Variants in ZC3H3 observed in about 807,000 individuals in gnomAD.
ZC3H3 encodes zinc finger CCCH domain-containing protein 3.
A neutral mutation model predicts 77.3 loss-of-function variants in ZC3H3; 36 were observed. That is an observed-to-expected ratio of 0.47 (90% CI 0.36 to 0.61). The LOEUF (loss-of-function observed/expected upper bound fraction) is 0.61, where lower values mean the gene tolerates loss of function less well. ZC3H3 is among the 20% of genes least tolerant of loss of function. ZC3H3 has a pLI of 0.00. For synonymous variants in ZC3H3, 626 were observed against 555.2 expected (o/e 1.13, Z -1.79); for missense variants, 1,331 against 1,312.2 (o/e 1.01, Z -0.22).
At chr8:143,461,077 G>A (rs406491) in intron 9 of ZC3H3, among the ~76,000 whole-genome samples, 151,676 of 152,348 alleles carry the variant, frequency 1, 75,504 homozygotes, top group East Asian at 1. Flanking sequence ...CCATTTTGAC[G>A]CTTAAAAATG....
At chr8:143,536,579 CTTTCT>C in intron 2 of ZC3H3, 126 bp from the exon 3 acceptor site, 5 of 1,003,608 alleles carry the variant, frequency 5.0e-6, no homozygotes, top group Non-Finnish European at 7.0e-6. Flanking sequence ...ACAGCGGGTC[CTTTCT>C]GGACCCTGCC....
At position 143,538,254 on chromosome 8, in the gene ZC3H3, C is replaced by A; in HGVS notation, c.1113G>T (p.Gly371=). Residue 371 remains glycine, a synonymous_variant, in exon 2 of 12, where the codon GGG becomes GGT. Transcript: ENST00000262577. ...PRKPATSSKP[G]SAPSKYKWKA... is the part of the protein sequence containing the mutation. Reference sequence around the variant, plus strand: ...TCCACTTGTACTTGCTGGGGGCAGACCCTGGCTTGGAGGACGTGGCTGGCT... The same window carrying A: ...TCCACTTGTACTTGCTGGGGGCAGAACCTGGCTTGGAGGACGTGGCTGGCT... 1 of 1,613,002 alleles carries A rather than the reference C, an allele frequency of 6.2e-7. No homozygotes were observed. The highest frequency in any genetic ancestry group is 1.1e-5 in the South Asian group (1 of 91,088).
Position 143,441,042 on chromosome 8 carries a change from G to T in ZC3H3, c.2386C>A (p.Leu796Ile), listed in dbSNP as rs763751052. 1.3e-6 allele frequency: 2 copies of T among 1,488,818 alleles called. No homozygotes were observed. The highest frequency in any genetic ancestry group is 8.9e-7 in the Non-Finnish European group (1 of 1,129,522). The allele number at this position is 1,488,818 out of a possible 1,614,324, so 92.2% of individuals were successfully genotyped here. ...ACPRGAQCQL[L>I]HRTQKRHSRR... The stretch of plus-strand genomic sequence containing the variant: ...CTGTGGCGTTTCTGGGTACGGTGGA[G>T]CAGCTGGCACTGGGCGCCGCGGGGA... The change falls in exon 10 of 12, where the codon CTC becomes ATC. Residue 796 changes from leucine (L) to isoleucine (I), a missense_variant. Coordinates refer to ENST00000262577, the MANE Select transcript of ZC3H3 (RefSeq NM_015117.3).
At chr8:143,483,254 A>G (rs1179215180) in intron 4 of ZC3H3, among the ~76,000 whole-genome samples, 1 of 152,226 alleles carries the variant, frequency 6.6e-6, no homozygotes, top group Non-Finnish European at 1.5e-5. Flanking sequence ...TGACACCCCC[A>G]TCACCGTGCT....
Position 143,493,078 on chromosome 8 carries a change from G to A in ZC3H3, c.1715+14668C>T, listed in dbSNP as rs562535776. ...CAGGGTCCCGTGTCCTGGCCCAGGG[G>A]CTCACTCCTCAGGCTCCCGTGTCCT... On this transcript the variant is annotated intron_variant, in intron 4 of 11. Transcript: ENST00000262577. The surrounding 1 kb of genome is among the most constrained non-coding windows in gnomAD (Gnocchi z 4.8). 2.8e-3 allele frequency among the ~76,000 whole-genome samples: 81 copies of A among 29,220 alleles called. 10 individuals are homozygous for A. Among genetic ancestry groups the A allele is most frequent in the Non-Finnish European group, 4.8e-3 (74 of 15,426 alleles). The allele number at this position is 29,220 out of a possible 152,430, so 19.2% of individuals were successfully genotyped here. A position where few individuals can be genotyped will look rare whatever the true frequency, so the allele number is the denominator to read the frequency against.
At chr8:143,524,455 C>T (rs913604361) in intron 3 of ZC3H3, among the ~76,000 whole-genome samples, 2 of 152,224 alleles carry the variant, frequency 1.3e-5, no homozygotes, top group African/African-American at 2.4e-5. Flanking sequence ...CACACCCGGC[C>T]GAGGGGCCAA....
chr8:143,450,136 A>C (rs1454133624), intron 9 of ZC3H3, among the ~76,000 whole-genome samples: 2 of 152,150 alleles, frequency 1.3e-5, no homozygotes, highest in African/African-American at 2.4e-5. Context: ...CCAATTTTCT[A>C]TATTAGTCCA....
chr8:143,531,023 G>A (rs2382956), intron 3 of ZC3H3, among the ~76,000 whole-genome samples: 3 of 148,570 alleles, frequency 2.0e-5, no homozygotes, highest in Non-Finnish European at 1.5e-5. Flanking sequence ...GCAGTGGTGC[G>A]ATCATGGCTC....
intron 4 of ZC3H3, among the ~76,000 whole-genome samples, chr8:143,482,496 G>C (rs2129934886): frequency 6.6e-6 from 1 of 152,288 alleles, no homozygotes; most frequent in East Asian, 1.9e-4. Flanking sequence ...GGTGGGGAAG[G>C]GTCAGGAGGC....
At chr8:143,483,420 G>A (rs949693054) in intron 4 of ZC3H3, among the ~76,000 whole-genome samples, 6 of 152,226 alleles carry the variant, frequency 3.9e-5, no homozygotes, top group Admixed American at 6.5e-5. Flanking sequence ...GGCCCAGCCC[G>A]TGAGGCTGGG....
At chr8:143,490,213 G>A (rs534538442) in intron 4 of ZC3H3, among the ~76,000 whole-genome samples, 77 of 152,308 alleles carry the variant, frequency 5.1e-4, no homozygotes, top group African/African-American at 1.8e-3. Flanking sequence ...GAGGCCCCCC[G>A]GGGCCTGGAC....
intron 9 of ZC3H3, among the ~76,000 whole-genome samples, chr8:143,458,113 T>C (rs1820167912): frequency 6.6e-6 from 1 of 151,490 alleles, no homozygotes; most frequent in Admixed American, 6.6e-5. Context: ...AAAAAAGAAG[T>C]CACAAACTTC....
At chr8:143,457,658 G>A (rs1375024688) in intron 9 of ZC3H3, among the ~76,000 whole-genome samples, 1 of 152,164 alleles carries the variant, frequency 6.6e-6, no homozygotes, top group African/African-American at 2.4e-5. Context: ...CTTGAGGCCA[G>A]GAGTTTGAGA....
At chr8:143,488,470 G>A (rs533375189) in intron 4 of ZC3H3, among the ~76,000 whole-genome samples, 6 of 143,014 alleles carry the variant, frequency 4.2e-5, no homozygotes, top group Admixed American at 2.8e-4. Flanking sequence ...CCATCACCAC[G>A]AAGCTCAGAC....
chr8:143,516,095 A>G (rs1822030706), intron 3 of ZC3H3, among the ~76,000 whole-genome samples: 1 of 152,150 alleles, frequency 6.6e-6, no homozygotes, highest in Non-Finnish European at 1.5e-5. Flanking sequence ...ATTTCTCTAA[A>G]TGAGCCGCAA....
At chr8:143,482,360 AC>A (rs1820930032) in intron 4 of ZC3H3, among the ~76,000 whole-genome samples, 1 of 152,126 alleles carries the variant, frequency 6.6e-6, no homozygotes, top group Admixed American at 6.5e-5. Context: ...CCACTGCTGC[AC>A]CCCTGGCCCT....
chr8:143,455,793 T>G (rs142583739), intron 9 of ZC3H3, among the ~76,000 whole-genome samples: 14 of 151,366 alleles, frequency 9.2e-5, no homozygotes, highest in African/African-American at 3.4e-4. Context: ...GCCAACATGG[T>G]GAAACCCCGT....
rs1341725073 is a variant in ZC3H3 at position 143,535,240 on chromosome 8, T to C, written c.1561+1017A>G. Among the ~76,000 whole-genome samples, 8 of 152,238 alleles carry C rather than the reference T, an allele frequency of 5.3e-5. No homozygotes were observed. In the East Asian group the frequency reaches 1.2e-3, roughly 22 times the overall value. ...TTTTGGTAAAGATGGGGTTTTGCCA[T>C]GTTGCCCAGGCTGGTCTTGAACTCC... On this transcript the variant is annotated intron_variant, in intron 3 of 11. Transcript: ENST00000262577.
At chr8:143,464,793 A>C (rs1820363585) in intron 9 of ZC3H3, among the ~76,000 whole-genome samples, 1 of 152,156 alleles carries the variant, frequency 6.6e-6, no homozygotes, top group African/African-American at 2.4e-5. Flanking sequence ...GCCAGGGACA[A>C]GGAGCATCTC....
Sources: gnomAD v4.1 joint callset for allele counts (sites outside exome capture counted in the v4.1 genomes callset) on GRCh38, gnomAD v4.1.1 for gene constraint, Gnocchi (gnomAD v3.1) non-coding constraint, MANE v1.5 for transcripts, NCBI Gene and HGNC (gene_info 2026-07-23, HGNC 2026-07-21) for gene names.